Variants in TFAP2D observed in about 807,000 individuals in gnomAD.
TFAP2D encodes the protein transcription factor AP-2 delta.
In TFAP2D, 9 loss-of-function variants were observed where a neutral mutation model predicts 43.6. The ratio of observed to expected loss-of-function variants is 0.21; its 90% CI spans 0.12 to 0.36. TFAP2D has a LOEUF of 0.36. Among genes scored for constraint, TFAP2D ranks in the 10% least tolerant of loss-of-function variants. The pLI, the probability that TFAP2D is intolerant of heterozygous loss-of-function variation, is 1.00. For synonymous variants in TFAP2D, 256 were observed against 224.9 expected (o/e 1.14, Z -1.24); for missense variants, 513 against 561.4 (o/e 0.91, Z 0.87).
chr6:50,714,817 G>T (rs1203299964), intron 1 of TFAP2D, among the ~76,000 whole-genome samples: 3 of 150,310 alleles, frequency 2.0e-5, no homozygotes, highest in Admixed American at 1.3e-4. Context: ...GTGTGTGTCT[G>T]TGTGTGTGTG....
chr6:50,741,902 G>C (rs1033059880), intron 5 of TFAP2D, among the ~76,000 whole-genome samples: 1 of 150,788 alleles, frequency 6.6e-6, no homozygotes, highest in Non-Finnish European at 1.5e-5. Flanking sequence ...TTCCACCACA[G>C]GTTCTTGCAC....
intron 3 of TFAP2D, among the ~76,000 whole-genome samples, chr6:50,720,866 A>G (rs1476913200): frequency 6.6e-6 from 1 of 152,126 alleles, no homozygotes; most frequent in Non-Finnish European, 1.5e-5. Flanking sequence ...TGCTACTGCA[A>G]TTTTGCATTC....
intron 3 of TFAP2D, among the ~76,000 whole-genome samples, chr6:50,720,736 T>C (rs561868329): frequency 6.6e-6 from 1 of 152,170 alleles, no homozygotes; most frequent in South Asian, 2.1e-4. Flanking sequence ...CAGGGGTCTG[T>C]TGGGACGGGT....
intron 1 of TFAP2D, among the ~76,000 whole-genome samples, chr6:50,714,338 G>A (rs957544318): frequency 1.3e-5 from 2 of 151,980 alleles, no homozygotes; most frequent in Admixed American, 1.3e-4. Context: ...CATAATGAGC[G>A]GGAAAACATA....
intron 3 of TFAP2D, among the ~76,000 whole-genome samples, chr6:50,721,254 G>A (rs1768719145): frequency 6.6e-6 from 1 of 152,188 alleles, no homozygotes; most frequent in South Asian, 2.1e-4. Context: ...AAGCTCCAGA[G>A]AGAAAGGGAA....
chr6:50,751,698 A>G (rs1769203090), intron 7 of TFAP2D, among the ~76,000 whole-genome samples: 1 of 151,488 alleles, frequency 6.6e-6, no homozygotes, highest in Admixed American at 6.6e-5. Context: ...TAAGCTAATC[A>G]CCTCCTAAAG....
Position 50,772,671 on chromosome 6 carries a change from C to T in TFAP2D, c.1166C>T (p.Pro389Leu), listed in dbSNP as rs780379700. 7 of 1,614,014 alleles carry T rather than the reference C, an allele frequency of 4.3e-6. No homozygotes were observed. The highest frequency in any genetic ancestry group is 1.7e-5 in the Admixed American group (1 of 60,016). ...TTGATCACTCATGGCTTTGGGACTC[C>T]GGCAATATGTGCAGCTCTAAGCACT... ...FSLITHGFGTPAICAALSTFQ... is the reference protein window; with the variant it reads ...FSLITHGFGTLAICAALSTFQ... Residue 389 changes from proline to leucine, a missense_variant, in exon 8 of 8, where the codon CCG (proline) becomes CTG (leucine). Coordinates refer to ENST00000008391, the MANE Select transcript of TFAP2D (RefSeq NM_172238.4).
At chr6:50,729,354 C>T (rs544176770) in intron 5 of TFAP2D, 42 bp downstream of exon 5, 52 of 1,543,820 alleles carry the variant, frequency 3.4e-5, no homozygotes, top group African/African-American at 5.5e-5. Context: ...GGAAGGTTGG[C>T]GTGTCTTTGA....
chr6:50,742,870 A>C (rs1157919424), intron 5 of TFAP2D, among the ~76,000 whole-genome samples: 1 of 151,770 alleles, frequency 6.6e-6, no homozygotes, highest in Non-Finnish European at 1.5e-5. Context: ...TTTTACTTCC[A>C]AATTTGAAAC....
intron 5 of TFAP2D, among the ~76,000 whole-genome samples, chr6:50,731,105 CA>C (rs914107625): frequency 2.6e-5 from 4 of 152,008 alleles, no homozygotes; most frequent in Non-Finnish European, 5.9e-5. Context: ...GGGTGCAGGT[CA>C]AATATGTGGA....
chr6:50,736,949 A>G (rs2114043831), intron 5 of TFAP2D, among the ~76,000 whole-genome samples: 1 of 152,192 alleles, frequency 6.6e-6, no homozygotes, highest in African/African-American at 2.4e-5. Flanking sequence ...TTAATGGATC[A>G]ACTAATGCTT....
chr6:50,754,437 G>A (rs1769238560), intron 7 of TFAP2D, among the ~76,000 whole-genome samples: 1 of 151,722 alleles, frequency 6.6e-6, no homozygotes, highest in South Asian at 2.1e-4. Context: ...TCCACTTCTT[G>A]ACTATCATGA....
intron 3 of TFAP2D, among the ~76,000 whole-genome samples, chr6:50,721,857 G>GA (rs1041759832): frequency 2.6e-5 from 4 of 152,092 alleles, no homozygotes; most frequent in African/African-American, 4.8e-5. Flanking sequence ...CTATGGGAGG[G>GA]AAAAAAATAG....
chr6:50,756,078 G>C (rs1769261100), intron 7 of TFAP2D, among the ~76,000 whole-genome samples: 1 of 151,940 alleles, frequency 6.6e-6, no homozygotes, highest in South Asian at 2.1e-4. Flanking sequence ...GCCCAGGCTT[G>C]TTTCAGCTTT....
At chr6:50,718,970 T>A in intron 2 of TFAP2D, 120 bp from the exon 3 acceptor site, 1 of 970,940 alleles carries the variant, frequency 1.0e-6, no homozygotes, top group Non-Finnish European at 1.5e-6. Context: ...AGCTCAATGC[T>A]TGCTTTCAAA....
chr6:50,772,044 A>G (rs958770398), intron 7 of TFAP2D, among the ~76,000 whole-genome samples: 9 of 152,214 alleles, frequency 5.9e-5, no homozygotes, highest in Non-Finnish European at 1.2e-4. Flanking sequence ...CATATACACC[A>G]TGGAATACTA....
chr6:50,720,483 TAA>T (rs1768701152), intron 3 of TFAP2D, among the ~76,000 whole-genome samples: 1 of 112,396 alleles, frequency 8.9e-6, no homozygotes, highest in African/African-American at 3.7e-5. Flanking sequence ...CTATGGAGAT[TAA>T]AACACACACA....
At chr6:50,759,408 G>T (rs1327205982) in intron 7 of TFAP2D, among the ~76,000 whole-genome samples, 1 of 151,892 alleles carries the variant, frequency 6.6e-6, no homozygotes, top group Non-Finnish European at 1.5e-5. Context: ...GTTCTTTTTA[G>T]ACCAATAATA....
intron 5 of TFAP2D, among the ~76,000 whole-genome samples, chr6:50,732,609 C>G (rs567493956): frequency 1.3e-5 from 2 of 152,088 alleles, no homozygotes; most frequent in South Asian, 4.1e-4. Context: ...TTGAATACAG[C>G]CTTGCCATTG....
Sources: allele counts gnomAD v4.1 joint callset (sites outside exome capture counted in the v4.1 genomes callset), GRCh38; gene constraint gnomAD v4.1.1; transcripts MANE v1.5; gene names NCBI Gene and HGNC (gene_info 2026-07-23, HGNC 2026-07-21).